TBL1X: variants seen among roughly 807,000 people sequenced by gnomAD.
TBL1X encodes the protein transducin beta like 1 X-linked.
A neutral mutation model predicts 50.7 loss-of-function variants in TBL1X; 10 were observed. The observed-to-expected ratio is 0.20, with a 90% CI of 0.12 to 0.33. The LOEUF is 0.33. TBL1X is among the 10% of genes least tolerant of loss of function. TBL1X has a pLI of 1.00. For synonymous variants in TBL1X, 190 were observed against 214.7 expected (o/e 0.88, Z 1.01); for missense variants, 340 against 504.4 (o/e 0.67, Z 3.12).
chrX:9,528,313 T>TGTCA (rs1220500805), intron 2 of TBL1X, among the ~76,000 whole-genome samples: 1 of 111,594 alleles, frequency 9.0e-6, no homozygotes, highest in Non-Finnish European at 1.9e-5. Flanking sequence ...TTGTAGCCTG[T>TGTCA]GTCAGGACAT....
chrX:9,522,676 G>A (rs1023621714), intron 2 of TBL1X, among the ~76,000 whole-genome samples: 1 of 111,828 alleles, frequency 8.9e-6, no homozygotes, highest in Admixed American at 9.5e-5. Flanking sequence ...TTGGATGCTC[G>A]AGAGTTCTTC....
chrX:9,713,421 C>CTTTTTTTTTTTTTTTT lies in TBL1X; in HGVS notation c.1606-1477_1606-1476insTTTTTTTTTTTTTTTT, dbSNP rs757107084. 6.9e-5 allele frequency among the ~76,000 whole-genome samples: 6 copies of CTTTTTTTTTTTTTTTT among 87,570 alleles called. 2 individuals carry two copies. Among genetic ancestry groups the CTTTTTTTTTTTTTTTT allele is most frequent in the African/African-American group, 9.3e-5 (2 of 21,546 alleles). 76.0% of individuals were successfully genotyped at this position (87,570 alleles called of 115,157 possible). On this transcript the variant is annotated intron_variant, in intron 16 of 17. Coordinates refer to ENST00000645353, the MANE Select transcript of TBL1X (RefSeq NM_005647.4). ...TTATAAATCAAAGAAATCCTTAGGACTTTTCTTTTTTTTTTTTTTTTTTGG... is the reference window on the plus strand; with the variant it reads ...TTATAAATCAAAGAAATCCTTAGGACTTTTTTTTTTTTTTTTTTTTCTTTTTTTTTTTTTTTTTTGG...
intron 1 of TBL1X, among the ~76,000 whole-genome samples, chrX:9,466,054 C>T (rs1423080480): frequency 8.9e-6 from 1 of 112,838 alleles, no homozygotes; most frequent in Non-Finnish European, 1.9e-5. Flanking sequence ...AGCCCCAGTC[C>T]TCCGCCCATC....
chrX:9,698,141 A>G (rs1436488930), intron 12 of TBL1X, among the ~76,000 whole-genome samples: 1 of 111,380 alleles, frequency 9.0e-6, no homozygotes, highest in East Asian at 2.8e-4. Flanking sequence ...CATTGGTCAG[A>G]AGGAGACCCA....
At chrX:9,675,428 A>G (rs1408508374) in intron 5 of TBL1X, among the ~76,000 whole-genome samples, 1 of 111,134 alleles carries the variant, frequency 9.0e-6, no homozygotes, top group Non-Finnish European at 1.9e-5. Flanking sequence ...ATAAAACTGG[A>G]TGTAGTGTGA....
chrX:9,652,844 C>T (rs1601818029), intron 3 of TBL1X, among the ~76,000 whole-genome samples: 1 of 98,273 alleles, frequency 1.0e-5, no homozygotes, highest in Non-Finnish European at 2.0e-5. Context: ...CTGCAAGACT[C>T]TGTCTCAAAA....
intron 2 of TBL1X, among the ~76,000 whole-genome samples, chrX:9,564,142 G>A (rs1184167265): frequency 1.2e-4 from 14 of 112,377 alleles, no homozygotes; most frequent in Non-Finnish European, 2.3e-4. Flanking sequence ...TGTTTGGGCC[G>A]GGCGTGGTGG....
intron 1 of TBL1X, among the ~76,000 whole-genome samples, chrX:9,492,199 C>T (rs2081948282): frequency 1.8e-5 from 2 of 111,681 alleles, no homozygotes; most frequent in South Asian, 3.7e-4. Context: ...GTGGGAAGGA[C>T]GCTTAGTGGT....
At chrX:9,571,280 C>T (rs184860793) in intron 2 of TBL1X, among the ~76,000 whole-genome samples, 151 of 111,655 alleles carry the variant, frequency 1.4e-3, no homozygotes, top group African/African-American at 4.6e-3. Context: ...TTGCACACTT[C>T]GACAATATGA....
chrX:9,467,548 T>C (rs1334099546), intron 1 of TBL1X, among the ~76,000 whole-genome samples: 1 of 112,158 alleles, frequency 8.9e-6, no homozygotes, highest in Non-Finnish European at 1.9e-5. Flanking sequence ...AAGTTGTTAA[T>C]CTTTCACTAC....
intron 5 of TBL1X, among the ~76,000 whole-genome samples, chrX:9,681,503 A>C (rs934227945): frequency 8.9e-6 from 1 of 112,517 alleles, no homozygotes; most frequent in African/African-American, 3.2e-5. Context: ...CAGAGTGCCC[A>C]GGTTTGGTTG....
intron 6 of TBL1X, 56 bp downstream of exon 6, chrX:9,684,244 G>A (rs2083042911): frequency 1.7e-6 from 2 of 1,189,085 alleles, no homozygotes; most frequent in African/African-American, 3.5e-5. Flanking sequence ...AGCTGCAGGA[G>A]CTTGGAACAC....
At chrX:9,566,328 A>G (rs781584565) in intron 2 of TBL1X, among the ~76,000 whole-genome samples, 3 of 111,851 alleles carry the variant, frequency 2.7e-5, no homozygotes, top group Admixed American at 9.5e-5. Flanking sequence ...TGTAAGAACC[A>G]CTTGTTTTGA....
At chrX:9,522,420 T>A (rs1211726268) in intron 2 of TBL1X, among the ~76,000 whole-genome samples, 1 of 111,426 alleles carries the variant, frequency 9.0e-6, no homozygotes, top group East Asian at 2.8e-4. Context: ...GGATGAGGGC[T>A]TGCAGATGAT....
intron 1 of TBL1X, among the ~76,000 whole-genome samples, chrX:9,500,283 A>G (rs2081993859): frequency 2.8e-5 from 2 of 72,532 alleles, no homozygotes; most frequent in South Asian, 1.5e-3. Flanking sequence ...TCTCAAAAAA[A>G]AAAAAAAAAA....
At chrX:9,636,110 G>T (rs1463816499) in intron 2 of TBL1X, among the ~76,000 whole-genome samples, 1 of 111,870 alleles carries the variant, frequency 8.9e-6, no homozygotes, top group Non-Finnish European at 1.9e-5. Context: ...AATTCATAGA[G>T]CCAGAAAGCA....
chrX:9,522,489 C>T (rs1181384240), intron 2 of TBL1X, among the ~76,000 whole-genome samples: 1 of 111,092 alleles, frequency 9.0e-6, no homozygotes, highest in East Asian at 2.8e-4. Context: ...GGAAGGCTGA[C>T]CATAGCAGGT....
chrX:9,525,714 A>G (rs372690885), intron 2 of TBL1X, among the ~76,000 whole-genome samples: 1 of 112,547 alleles, frequency 8.9e-6, no homozygotes, highest in Admixed American at 9.4e-5. Context: ...ATAAATGTGC[A>G]TTGGTATTTA....
chrX:9,620,665 CTG>C (rs961979076), intron 2 of TBL1X, among the ~76,000 whole-genome samples: 1 of 111,926 alleles, frequency 8.9e-6, no homozygotes, highest in Non-Finnish European at 1.9e-5. Flanking sequence ...ACCCAGGAAA[CTG>C]AGGGAAAACA....
Sources: gnomAD v4.1 joint callset for allele counts (sites outside exome capture counted in the v4.1 genomes callset) on GRCh38, gnomAD v4.1.1 for gene constraint, MANE v1.5 for transcripts, NCBI Gene and HGNC (gene_info 2026-07-23, HGNC 2026-07-21) for gene names.